Variants in ANKRD22 observed in about 807,000 individuals in gnomAD.
ANKRD22 encodes ankyrin repeat domain-containing protein 22.
In ANKRD22, 24 loss-of-function variants were observed where a neutral mutation model predicts 25.7. The ratio of observed to expected loss-of-function variants is 0.93; its 90% CI spans 0.68 to 1.31. ANKRD22 has a LOEUF of 1.31. Ranked by LOEUF, ANKRD22 falls within the 50% of genes most tolerant of loss-of-function variation. ANKRD22 has a pLI of 0.00. For synonymous variants in ANKRD22, 84 were observed against 84.3 expected (o/e 1.00, Z 0.02); for missense variants, 214 against 227.1 (o/e 0.94, Z 0.37).
chr10:88,820,650 T>C lies in ANKRD22; in HGVS notation c.*2291A>G. 2.7e-6 allele frequency: 2 copies of C among 737,842 alleles called. No individual in the cohort carries two copies. The highest frequency in any genetic ancestry group is 2.0e-5 in the South Asian group (1 of 50,600). The allele number at this position is 737,842 out of a possible 1,614,324, so 45.7% of individuals were successfully genotyped here. On this transcript the variant is annotated 3_prime_UTR_variant, in exon 6 of 6. Coordinates refer to ENST00000371930, the MANE Select transcript of ANKRD22 (RefSeq NM_144590.3). The stretch of plus-strand genomic sequence containing the variant: ...ATCCGACACTTACATTTACATTTTT[T>C]TTCTGTAAATTAAAGTACTTATTAG...
Position 88,821,428 on chromosome 10 carries a change from T to C in ANKRD22, c.*1513A>G, listed in dbSNP as rs1421006908. On this transcript the variant is annotated 3_prime_UTR_variant, in exon 6 of 6. Coordinates refer to ENST00000371930, the MANE Select transcript of ANKRD22 (RefSeq NM_144590.3). ...CAAAGATGACAGTTGTAAATTACATTGGTACTATTTTGCAAAATCTCTGAA... is the reference window on the plus strand; with the variant it reads ...CAAAGATGACAGTTGTAAATTACATCGGTACTATTTTGCAAAATCTCTGAA... 6.6e-6 allele frequency among the ~76,000 whole-genome samples: 1 copy of C among 152,202 alleles called. No homozygotes were observed. Among genetic ancestry groups the C allele is most frequent in the Non-Finnish European group, 1.5e-5 (1 of 68,026 alleles).
chr10:88,845,028 T>C (rs1171831634), intron 1 of ANKRD22, among the ~76,000 whole-genome samples: 1 of 151,858 alleles, frequency 6.6e-6, no homozygotes, highest in Non-Finnish European at 1.5e-5. Context: ...GGAGAACTTC[T>C]GGGGCACAAG....
At chr10:88,846,858 A>T (rs1056612363) in intron 1 of ANKRD22, among the ~76,000 whole-genome samples, 1 of 152,152 alleles carries the variant, frequency 6.6e-6, no homozygotes, top group Non-Finnish European at 1.5e-5. Flanking sequence ...GACTTGATCT[A>T]GTGTGAGAAT....
chr10:88,847,740 G>C (rs913927582), intron 1 of ANKRD22, among the ~76,000 whole-genome samples: 9 of 150,724 alleles, frequency 6.0e-5, no homozygotes, highest in African/African-American at 9.8e-5. Flanking sequence ...TCACAGAGTA[G>C]AGAAAAAGCA....
intron 4 of ANKRD22, among the ~76,000 whole-genome samples, chr10:88,823,827 CA>C (rs56194758): frequency 0.073 from 7,578 of 103,740 alleles, 308 homozygotes; most frequent in South Asian, 0.11. Context: ...GACTCCGTCT[CA>C]AAAAAAAAAA....
intron 4 of ANKRD22, 104 bp downstream of exon 4, chr10:88,825,922 AGAAAACTAAATG>A: frequency 1.1e-6 from 1 of 893,990 alleles, no homozygotes; most frequent in Non-Finnish European, 1.6e-6. Context: ...AGAAAATAAA[AGAAAACTAAATG>A]TAAAATTGTC....
chr10:88,838,446 A>C (rs1843975560), intron 1 of ANKRD22, among the ~76,000 whole-genome samples: 1 of 152,196 alleles, frequency 6.6e-6, no homozygotes, highest in South Asian at 2.1e-4. Flanking sequence ...AACACAGAGA[A>C]GGATCAGAGC....
At chr10:88,824,985 G>GCTCTCT (rs142353847) in intron 4 of ANKRD22, among the ~76,000 whole-genome samples, 317 of 141,346 alleles carry the variant, frequency 2.2e-3, no homozygotes, top group Non-Finnish European at 3.2e-3. Context: ...ATTTTCTTTT[G>GCTCTCT]CTCTCTCTCT....
chr10:88,849,006 A>ATG (rs113459404), intron 1 of ANKRD22, among the ~76,000 whole-genome samples: 89,252 of 149,120 alleles, frequency 0.6, 26,879 homozygotes, highest in Admixed American at 0.73. Context: ...GTGCATGTGC[A>ATG]TGTGTGTGTG....
intron 1 of ANKRD22, among the ~76,000 whole-genome samples, chr10:88,844,938 C>T (rs1229801582): frequency 6.6e-6 from 1 of 152,074 alleles, no homozygotes; most frequent in Non-Finnish European, 1.5e-5. Flanking sequence ...GAGCTTTGAA[C>T]CTGTCTTTCT....
intron 1 of ANKRD22, among the ~76,000 whole-genome samples, chr10:88,838,765 G>A (rs1384808926): frequency 6.6e-6 from 1 of 152,148 alleles, no homozygotes; most frequent in Non-Finnish European, 1.5e-5. Flanking sequence ...GTAAGAAATT[G>A]AACCATGGTC....
In ANKRD22 at chr10:88,820,595, A is replaced by T; in HGVS notation, c.*2346T>A. The T allele has an allele frequency of 8.1e-7, 1 of 1,239,330 alleles. No individual in the cohort carries two copies. The highest frequency in any genetic ancestry group is 1.1e-6 in the Non-Finnish European group (1 of 918,976). The allele number at this position is 1,239,330 out of a possible 1,614,324, so 76.8% of individuals were successfully genotyped here. On this transcript the variant is annotated 3_prime_UTR_variant, in exon 6 of 6. Transcript: ENST00000371930. ...TACGGAGAGCAGAGACCTAGTATAC[A>T]TTTTTCAGATTCCCTGCACTTGGCA... is the stretch of plus-strand genomic sequence containing the variant.
intron 1 of ANKRD22, among the ~76,000 whole-genome samples, chr10:88,837,666 C>A (rs1370081905): frequency 1.3e-5 from 2 of 152,198 alleles, no homozygotes; most frequent in Non-Finnish European, 2.9e-5. Context: ...TATGGTTTGG[C>A]TGTGTCTCCA....
intron 1 of ANKRD22, among the ~76,000 whole-genome samples, chr10:88,834,992 T>C (rs1843940688): frequency 6.6e-6 from 1 of 152,060 alleles, no homozygotes; most frequent in Non-Finnish European, 1.5e-5. Flanking sequence ...CCCATATTCC[T>C]GTAGGATACC....
chr10:88,844,425 T>C (rs1467739088), intron 1 of ANKRD22, among the ~76,000 whole-genome samples: 1 of 152,160 alleles, frequency 6.6e-6, no homozygotes, highest in Non-Finnish European at 1.5e-5. Context: ...AGTTAATTAG[T>C]ATGTAAACCA....
chr10:88,838,523 T>A (rs939277715), intron 1 of ANKRD22, among the ~76,000 whole-genome samples: 4 of 152,184 alleles, frequency 2.6e-5, no homozygotes, highest in Admixed American at 1.3e-4. Context: ...ATGTTACAGA[T>A]AAACTCTGTC....
Position 88,850,641 on chromosome 10 carries a change from G to A in ANKRD22, c.21+946C>T, listed in dbSNP as rs573712224. 1.0e-3 allele frequency among the ~76,000 whole-genome samples: 156 copies of A among 152,262 alleles called. 2 individuals carry two copies. Among genetic ancestry groups the A allele is most frequent in the Non-Finnish European group, 1.7e-3 (119 of 68,010 alleles). On this transcript the variant is annotated intron_variant, in intron 1 of 5. Transcript: ENST00000371930. ...GCAGTCTAAAGTTTGAGAGTTACCA[G>A]AGTAGCATTTAAAAGCACTATATGT...
intron 1 of ANKRD22, among the ~76,000 whole-genome samples, chr10:88,849,861 C>T (rs1165424367): frequency 6.6e-6 from 1 of 152,074 alleles, no homozygotes; most frequent in African/African-American, 2.4e-5. Context: ...GATTTCAGGA[C>T]CAGCTCTCTG....
At chr10:88,839,900 A>T (rs1843988844) in intron 1 of ANKRD22, among the ~76,000 whole-genome samples, 1 of 152,270 alleles carries the variant, frequency 6.6e-6, no homozygotes, top group African/African-American at 2.4e-5. Flanking sequence ...CCCACTATTG[A>T]CCAGTTAAAT....
Sources: allele counts gnomAD v4.1 joint callset (sites outside exome capture counted in the v4.1 genomes callset), GRCh38; gene constraint gnomAD v4.1.1; transcripts MANE v1.5; gene names NCBI Gene and HGNC (gene_info 2026-07-23, HGNC 2026-07-21).